The following ARPP21 variants were observed in gnomAD, a reference collection of about 807,000 sequenced individuals.
ARPP21 encodes the protein cAMP-regulated phosphoprotein 21.
A neutral mutation model predicts 113.2 loss-of-function variants in ARPP21; 69 were observed. That is an observed-to-expected ratio of 0.61 (90% confidence interval 0.50 to 0.74). ARPP21 has a LOEUF of 0.74. Ranked by LOEUF, ARPP21 falls within the 30% of genes least tolerant of loss-of-function variation. The pLI, the probability that ARPP21 is intolerant of heterozygous loss-of-function variation, is 0.00. For missense variants in ARPP21, 1,070 were observed against 1,037.4 expected (o/e 1.03, Z -0.43); for synonymous variants, 368 against 375.5 (o/e 0.98, Z 0.23).
At chr3:35,729,197 A>G in intron 14 of ARPP21, 106 bp from the exon 15 acceptor site, 1 of 745,228 alleles carries the variant, frequency 1.3e-6, no homozygotes, top group Non-Finnish European at 2.3e-6. Context: ...CATGCGTCTC[A>G]AATTCTTTAA....
In ARPP21 at chr3:35,792,638, G is replaced by C. The variant is rs2096769189; in HGVS notation, c.2286+108G>C. ...GTGGCTGGCTGGGTAATGCGTGCTT[G>C]GTCCATAACTGTTGATAATTTACTT... On this transcript the variant is annotated intron_variant, in intron 20 of 20. Transcript: ENST00000684406. 4 of 885,854 alleles carry C rather than the reference G, an allele frequency of 4.5e-6. No homozygotes were observed. In the Admixed American group the frequency reaches 8.6e-5, roughly 19 times the overall value. The allele number at this position is 885,854 out of a possible 1,614,324, so 54.9% of individuals were successfully genotyped here.
Position 35,721,633 on chromosome 3 carries a change from T to A in ARPP21, c.1024T>A (p.Ser342Thr), listed in dbSNP as rs762166203. The A allele has an allele frequency of 1.7e-5, 28 of 1,613,220 alleles. No individual in the cohort carries two copies. The highest frequency in any genetic ancestry group is 2.4e-5 in the Non-Finnish European group (28 of 1,179,434). Reference sequence around the variant, plus strand: ...CAACAGAGATGGCTCAGGGAGAACATCTGGGAGTCGACAGAGCAGCTCAGA... The same window carrying A: ...CAACAGAGATGGCTCAGGGAGAACAACTGGGAGTCGACAGAGCAGCTCAGA... The part of the protein sequence containing the change: ...RGNRDGSGRT[S>T]GSRQSSSENE... Residue 342 changes from serine (S) to threonine (T), a missense_variant, in exon 14 of 21, where the codon TCT (serine) becomes ACT (threonine). Transcript: ENST00000684406.
chr3:35,646,980 C>T (rs930919902), intron 1 of ARPP21, among the ~76,000 whole-genome samples: 3 of 152,124 alleles, frequency 2.0e-5, no homozygotes, highest in African/African-American at 7.2e-5. Flanking sequence ...TCAAATTTCT[C>T]TCCAACACTG....
intron 19 of ARPP21, chr3:35,781,388 C>T (rs1175777655): frequency 1.3e-5 from 2 of 152,126 alleles, no homozygotes; most frequent in African/African-American, 4.8e-5. Context: ...AACAGCCTGC[C>T]CCAAAGGGAT....
chr3:35,674,893 G>A (rs975913479), intron 1 of ARPP21, among the ~76,000 whole-genome samples: 1 of 151,744 alleles, frequency 6.6e-6, no homozygotes, highest in African/African-American at 2.4e-5. Flanking sequence ...ACAATGTGTG[G>A]GTCTCTCTTG....
chr3:35,688,448 GC>G (rs1298585711), intron 6 of ARPP21, among the ~76,000 whole-genome samples: 2 of 151,542 alleles, frequency 1.3e-5, no homozygotes, highest in Non-Finnish European at 3.0e-5. Flanking sequence ...AAATCACTGT[GC>G]AAAAAGTCAT....
chr3:35,671,917 G>A (rs1233759589), intron 1 of ARPP21, among the ~76,000 whole-genome samples: 3 of 151,946 alleles, frequency 2.0e-5, no homozygotes, highest in Non-Finnish European at 2.9e-5. Context: ...AGCACCAAGA[G>A]CCTGAAGAAA....
chr3:35,695,672 C>CT, intron 9 of ARPP21, among the ~76,000 whole-genome samples: 1 of 151,512 alleles, frequency 6.6e-6, no homozygotes, highest in Non-Finnish European at 1.5e-5. Context: ...TTTAGGAAGG[C>CT]TTTGAGAAAG....
chr3:35,707,056 T>G lies in ARPP21; in HGVS notation c.769T>G (p.Ser257Ala), dbSNP rs751197809. The G allele has an allele frequency of 1.9e-6, 3 of 1,613,544 alleles. No homozygotes were observed. In the South Asian group the frequency reaches 3.3e-5, roughly 18 times the overall value. The part of the protein sequence containing the change: ...QKRFILKRDN[S>A]SIDKEDNQQN... The stretch of plus-strand genomic sequence containing the variant: ...GCGGTTTATCTTGAAGCGAGATAAC[T>G]CTAGTATTGATAAAGAAGACAATCA... Residue 257 changes from serine (S) to alanine (A), a missense_variant, in exon 10 of 21, where the codon TCT becomes GCT. Transcript: ENST00000684406.
chr3:35,652,397 T>A (rs1232794149), intron 1 of ARPP21, among the ~76,000 whole-genome samples: 3 of 152,118 alleles, frequency 2.0e-5, no homozygotes, highest in African/African-American at 7.2e-5. Context: ...GCCCAAAGGA[T>A]CTAGCAAGAG....
chr3:35,749,245 A>G (rs1301558127), intron 19 of ARPP21, among the ~76,000 whole-genome samples: 5 of 152,264 alleles, frequency 3.3e-5, no homozygotes, highest in South Asian at 2.1e-4. Context: ...GAGATGATCA[A>G]TAACAACAAA....
At chr3:35,743,106 T>C (rs1313722650) in intron 18 of ARPP21, among the ~76,000 whole-genome samples, 2 of 152,228 alleles carry the variant, frequency 1.3e-5, no homozygotes, top group Non-Finnish European at 2.9e-5. Context: ...TGTGTACCAA[T>C]CATTCTGCAA....
chr3:35,679,213 A>G (rs1209425998), intron 1 of ARPP21, among the ~76,000 whole-genome samples: 1 of 151,938 alleles, frequency 6.6e-6, no homozygotes, highest in Non-Finnish European at 1.5e-5. Context: ...TTCCCAAACT[A>G]TAAGTAGAGA....
intron 19 of ARPP21, among the ~76,000 whole-genome samples, chr3:35,776,177 T>C (rs889524447): frequency 5.3e-5 from 8 of 152,200 alleles, no homozygotes; most frequent in African/African-American, 1.7e-4. Context: ...TATTAAACAT[T>C]GCATTTTAAA....
At chr3:35,748,070 G>GA (rs1268379064) in intron 19 of ARPP21, among the ~76,000 whole-genome samples, 1 of 92,664 alleles carries the variant, frequency 1.1e-5, no homozygotes, top group South Asian at 3.9e-4. Flanking sequence ...AAGGAAGGAA[G>GA]AAAGAAAGAA....
At chr3:35,712,514 CTGTGTG>C (rs10579469) in intron 11 of ARPP21, among the ~76,000 whole-genome samples, 3,214 of 132,892 alleles carry the variant, frequency 0.024, 68 homozygotes, top group Middle Eastern at 0.071. Context: ...TCTAAGGTGT[CTGTGTG>C]TGTGTGTGTG....
intron 1 of ARPP21, among the ~76,000 whole-genome samples, chr3:35,661,118 CACACATGATCACAT>C: frequency 6.6e-6 from 1 of 152,254 alleles, no homozygotes; most frequent in African/African-American, 2.4e-5. Flanking sequence ...GGCCTAATTA[CACACATGATCACAT>C]ACACATGGAT....
chr3:35,758,368 G>T (rs2095646919), intron 19 of ARPP21, among the ~76,000 whole-genome samples: 1 of 151,916 alleles, frequency 6.6e-6, no homozygotes, highest in Non-Finnish European at 1.5e-5. Flanking sequence ...ATAAACTTTG[G>T]TTTTGCTGCT....
intron 13 of ARPP21, 89 bp downstream of exon 13, chr3:35,717,446 A>T: frequency 1.2e-6 from 1 of 823,144 alleles, no homozygotes. Context: ...TGTAAAATAT[A>T]TCTGTTCATT....
Sources: gnomAD v4.1 joint callset for allele counts (sites outside exome capture counted in the v4.1 genomes callset) on GRCh38, gnomAD v4.1.1 for gene constraint, MANE v1.5 for transcripts, NCBI Gene and HGNC (gene_info 2026-07-23, HGNC 2026-07-21) for gene names.